Variants in RBM19 observed in about 807,000 individuals in gnomAD.
The protein encoded by RBM19 is probable RNA-binding protein 19.
A neutral mutation model predicts 116.8 loss-of-function variants in RBM19; 94 were observed. The observed-to-expected ratio is 0.80, with a 90% CI of 0.68 to 0.95. The LOEUF (loss-of-function observed/expected upper bound fraction) is 0.95, where lower values mean the gene tolerates loss of function less well. Among genes scored for constraint, RBM19 ranks in the 40% least tolerant of loss-of-function variants. RBM19 has a pLI of 0.00. For synonymous variants in RBM19, 475 were observed against 494.1 expected (o/e 0.96, Z 0.51); for missense variants, 1,161 against 1,220.7 (o/e 0.95, Z 0.73).
intron 21 of RBM19, among the ~76,000 whole-genome samples, chr12:113,905,321 T>C (rs1361419887): frequency 1.3e-5 from 2 of 152,164 alleles, no homozygotes; most frequent in Admixed American, 6.5e-5. Flanking sequence ...ACCTGATCTA[T>C]GACAAAATCA....
chr12:113,867,843 T>G lies in RBM19; in HGVS notation c.2559-8947A>C, dbSNP rs140300633. On this transcript the variant is annotated intron_variant, in intron 21 of 23. Coordinates refer to ENST00000261741, the MANE Select transcript of RBM19 (RefSeq NM_016196.4). ...AGTGGGGAGGCTGAGGCAGGAGAAC[T>G]GCTTGAACCCGGAAGGTGGAGATTA... 3.7e-4 allele frequency among the ~76,000 whole-genome samples: 57 copies of G among 152,190 alleles called. 1 individual carries two copies. The highest frequency in any genetic ancestry group is 1.2e-3 in the African/African-American group (50 of 41,512).
At chr12:113,928,417 T>TACACAC (rs3066401) in intron 16 of RBM19, among the ~76,000 whole-genome samples, 27,082 of 135,902 alleles carry the variant, frequency 0.2, 2,734 homozygotes, top group South Asian at 0.33. Context: ...TACATGTGCA[T>TACACAC]ACACACACAC....
At chr12:113,965,527 AC>A (rs1872799318) in intron 1 of RBM19, among the ~76,000 whole-genome samples, 2 of 152,014 alleles carry the variant, frequency 1.3e-5, no homozygotes, top group Non-Finnish European at 2.9e-5. Flanking sequence ...AAACAAAAAA[AC>A]AAAACAGAAC....
chr12:113,894,602 A>G lies in RBM19; in HGVS notation c.2558+20367T>C, dbSNP rs570375488. Among the ~76,000 whole-genome samples the G allele has an allele frequency of 1.1e-4, 16 of 152,232 alleles. No homozygotes were observed. In the South Asian group the frequency reaches 3.3e-3, roughly 32 times the overall value. ...TCCTCAGACTGGGGGTTGCAATGTA[A>G]TTTTCTTTCAACTGACATTTTTCTC... is the stretch of plus-strand genomic sequence containing the variant. On this transcript the variant is annotated intron_variant, in intron 21 of 23. Transcript: ENST00000261741.
chr12:113,879,858 A>G (rs1176863227), intron 21 of RBM19, among the ~76,000 whole-genome samples: 1 of 151,984 alleles, frequency 6.6e-6, no homozygotes. Context: ...CAGATGCCCA[A>G]TGGAGGGCAG....
chr12:113,851,150 C>T (rs974678547), intron 22 of RBM19, among the ~76,000 whole-genome samples: 1 of 152,198 alleles, frequency 6.6e-6, no homozygotes, highest in Non-Finnish European at 1.5e-5. Flanking sequence ...GCTCCCTGCA[C>T]AATCTTGGGT....
chr12:113,920,520 A>C, intron 19 of RBM19, 91 bp downstream of exon 19: 2 of 1,164,508 alleles, frequency 1.7e-6, no homozygotes, highest in South Asian at 2.5e-5. Flanking sequence ...TAGACTTCAT[A>C]CATATTCTCA....
At chr12:113,892,592 C>G (rs1469190287) in intron 21 of RBM19, among the ~76,000 whole-genome samples, 1 of 152,128 alleles carries the variant, frequency 6.6e-6, no homozygotes, top group African/African-American at 2.4e-5. Flanking sequence ...GACAGCAGAG[C>G]AGTATTGTCC....
chr12:113,885,636 T>C (rs1478368184), intron 21 of RBM19, among the ~76,000 whole-genome samples: 3 of 152,172 alleles, frequency 2.0e-5, no homozygotes, highest in Non-Finnish European at 4.4e-5. Context: ...CAATATACTT[T>C]TAGATATTTA....
At chr12:113,846,757 G>A (rs991117906) in intron 22 of RBM19, among the ~76,000 whole-genome samples, 1 of 152,124 alleles carries the variant, frequency 6.6e-6, no homozygotes, top group African/African-American at 2.4e-5. Flanking sequence ...CTGTCACCCA[G>A]GCTAGAGTGC....
chr12:113,959,033 T>A (rs1872236777), intron 5 of RBM19, among the ~76,000 whole-genome samples, 179 bp downstream of exon 5: 1 of 152,256 alleles, frequency 6.6e-6, no homozygotes, highest in African/African-American at 2.4e-5. Context: ...ACTGACTGAC[T>A]GAATACACAA....
intron 1 of RBM19, among the ~76,000 whole-genome samples, chr12:113,965,281 A>T (rs1167936590): frequency 8.4e-6 from 1 of 118,998 alleles, no homozygotes; most frequent in African/African-American, 5.3e-5. Flanking sequence ...GACTCCGTTT[A>T]AAAAAAAAAA....
chr12:113,877,696 G>A (rs991674889), intron 21 of RBM19, among the ~76,000 whole-genome samples: 1 of 152,236 alleles, frequency 6.6e-6, no homozygotes, highest in African/African-American at 2.4e-5. Flanking sequence ...CAAAAGGACA[G>A]TAGCTGCAAG....
At chr12:113,831,228 C>T (rs1027506539) in intron 23 of RBM19, among the ~76,000 whole-genome samples, 5 of 146,348 alleles carry the variant, frequency 3.4e-5, no homozygotes, top group Non-Finnish European at 7.7e-5. Context: ...GATCTAATTT[C>T]AGCCGACAAC....
chr12:113,855,860 C>T (rs762267817), intron 22 of RBM19, among the ~76,000 whole-genome samples: 1 of 152,156 alleles, frequency 6.6e-6, no homozygotes, highest in Non-Finnish European at 1.5e-5. Context: ...GACGATTCTA[C>T]GGGTCAGTGG....
At chr12:113,910,121 G>T (rs554248938) in intron 21 of RBM19, among the ~76,000 whole-genome samples, 1 of 152,224 alleles carries the variant, frequency 6.6e-6, no homozygotes, top group East Asian at 1.9e-4. Context: ...GGTCTGAAAC[G>T]CGCTCCTTAG....
chr12:113,821,763 G>C (rs1395494087), downstream of RBM19, among the ~76,000 whole-genome samples: 1 of 152,122 alleles, frequency 6.6e-6, no homozygotes, highest in Non-Finnish European at 1.5e-5. Flanking sequence ...AAAAATAAAC[G>C]GCTGGGGAAC....
intron 21 of RBM19, among the ~76,000 whole-genome samples, chr12:113,874,713 C>T (rs536994811): frequency 2.0e-5 from 3 of 152,304 alleles, no homozygotes; most frequent in Admixed American, 6.5e-5. Flanking sequence ...ATAGGGAAGG[C>T]GGCTTCTGAA....
intron 21 of RBM19, among the ~76,000 whole-genome samples, chr12:113,890,604 G>A (rs1880896086): frequency 6.6e-6 from 1 of 152,210 alleles, no homozygotes; most frequent in South Asian, 2.1e-4. Context: ...GGATGGCAGA[G>A]AGAAGCTCTG....
Sources: gnomAD v4.1 joint callset for allele counts (sites outside exome capture counted in the v4.1 genomes callset) on GRCh38, gnomAD v4.1.1 for gene constraint, MANE v1.5 for transcripts, NCBI Gene and HGNC (gene_info 2026-07-23, HGNC 2026-07-21) for gene names.